The following UHRF2 variants were observed in gnomAD, a reference collection of about 807,000 sequenced individuals.
The protein encoded by UHRF2 is E3 ubiquitin-protein ligase UHRF2.
In UHRF2, 23 loss-of-function variants were observed where a neutral mutation model predicts 96.8. The observed-to-expected ratio is 0.24, with a 90% CI of 0.17 to 0.34. The LOEUF (loss-of-function observed/expected upper bound fraction) is 0.34. Ranked by LOEUF, UHRF2 falls within the 10% of genes least tolerant of loss-of-function variation. The probability of loss-of-function intolerance (pLI) is 1.00; values close to 1 mark genes in which losing one functional copy is unlikely to be tolerated. For missense variants in UHRF2, 685 were observed against 981.5 expected (o/e 0.70, Z 4.04); for synonymous variants, 385 against 332.6 (o/e 1.16, Z -1.72).
chr9:6,479,141 G>T (rs1823770311), intron 6 of UHRF2, among the ~76,000 whole-genome samples: 1 of 151,920 alleles, frequency 6.6e-6, no homozygotes, highest in Non-Finnish European at 1.5e-5. Context: ...CCCACTGGCT[G>T]CCTACCCCGT....
chr9:6,488,498 T>G (rs1587867826), intron 9 of UHRF2, among the ~76,000 whole-genome samples: 1 of 150,546 alleles, frequency 6.6e-6, no homozygotes, highest in African/African-American at 2.4e-5. Flanking sequence ...CCCCACTGCT[T>G]CTTAACCTCT....
intron 2 of UHRF2, among the ~76,000 whole-genome samples, chr9:6,426,289 T>C (rs1169104447): frequency 6.6e-6 from 1 of 152,226 alleles, no homozygotes; most frequent in Non-Finnish European, 1.5e-5. Context: ...TACTATGTGG[T>C]ATAGATGTTA....
intron 8 of UHRF2, among the ~76,000 whole-genome samples, chr9:6,483,488 A>G (rs1181359814): frequency 6.6e-6 from 1 of 152,148 alleles, no homozygotes; most frequent in East Asian, 1.9e-4. Flanking sequence ...TGTTTGCAGA[A>G]TCATGACAAG....
intron 4 of UHRF2, among the ~76,000 whole-genome samples, chr9:6,463,756 C>A (rs1822700998): frequency 6.6e-6 from 1 of 151,966 alleles, no homozygotes. Context: ...TAGGTATGAG[C>A]CACCGTGTCT....
intron 3 of UHRF2, among the ~76,000 whole-genome samples, chr9:6,438,400 G>C (rs1820975489): frequency 6.6e-6 from 1 of 152,230 alleles, no homozygotes; most frequent in Non-Finnish European, 1.5e-5. Context: ...CTAAGCCAGT[G>C]TCTCTCAAAG....
rs187494255 is a variant in UHRF2, at chr9:6,485,287, C to G, written c.1393-1534C>G. Among the ~76,000 whole-genome samples the G allele has an allele frequency of 2.0e-5, 3 of 152,120 alleles. No individual in the cohort carries two copies. The East Asian group carries it at 5.8e-4, about 29-fold the overall frequency. On this transcript the variant is annotated intron_variant, in intron 8 of 15. Transcript: ENST00000276893. ...CTACTATAAATATAGTAAAAATACA[C>G]TTTGTGTATTTCTAATTGCCTTATT...
At chr9:6,445,926 T>G (rs984230190) in intron 3 of UHRF2, among the ~76,000 whole-genome samples, 1 of 151,264 alleles carries the variant, frequency 6.6e-6, no homozygotes, top group African/African-American at 2.4e-5. Flanking sequence ...TGCTTTTCAT[T>G]TACTAATTAA....
chr9:6,439,858 A>G (rs1821061323), intron 3 of UHRF2, among the ~76,000 whole-genome samples: 1 of 151,930 alleles, frequency 6.6e-6, no homozygotes, highest in Non-Finnish European at 1.5e-5. Flanking sequence ...TCTTGTTTCT[A>G]GTGGTATTTT....
chr9:6,500,555 A>T lies in UHRF2; in HGVS notation c.2009A>T (p.Asp670Val), dbSNP rs768429329. Residue 670 changes from aspartate (D) to valine (V), a missense_variant, in exon 14 of 16, where the codon GAC (aspartate) becomes GTC (valine). Asp to Val is a radical substitution (Grantham distance 152). Coordinates refer to ENST00000276893, the MANE Select transcript of UHRF2 (RefSeq NM_152896.3). ...TACATTTTTAAAATAAATCTAGATG[A>T]CTGTCCAAGTGCCTCCAAAGTGTAC... Reference protein sequence around the residue: ...GTTKRPISDDDCPSASKVYKA... With the variant: ...GTTKRPISDDVCPSASKVYKA... 3 of 1,606,968 alleles carry T rather than the reference A, an allele frequency of 1.9e-6. No homozygotes were observed. Among genetic ancestry groups the T allele is most frequent in the Non-Finnish European group, 8.5e-7 (1 of 1,178,130 alleles).
At chr9:6,458,806 T>C (rs1368862881) in intron 3 of UHRF2, among the ~76,000 whole-genome samples, 2 of 152,154 alleles carry the variant, frequency 1.3e-5, no homozygotes, top group Non-Finnish European at 2.9e-5. Context: ...AGCAAAGACT[T>C]GGAACCAACC....
Position 6,493,940 on chromosome 9 carries a change from T to A in UHRF2, c.1604+8T>A. 1 of 1,607,762 alleles carries A rather than the reference T, an allele frequency of 6.2e-7. No homozygotes were observed. Among genetic ancestry groups the A allele is most frequent in the Non-Finnish European group, 8.5e-7 (1 of 1,175,142 alleles). On this transcript the variant is annotated splice_region_variant and intron_variant, in intron 10 of 15. Coordinates refer to ENST00000276893, the MANE Select transcript of UHRF2 (RefSeq NM_152896.3). ...ATTAACAAACATGAACAGGTACTAC[T>A]ATAGACACTGTTTAGAATTTGAACA...
chr9:6,485,625 C>G lies in UHRF2; in HGVS notation c.1393-1196C>G, dbSNP rs1393315889. Among the ~76,000 whole-genome samples, 8 of 123,554 alleles carry G rather than the reference C, an allele frequency of 6.5e-5. No individual in the cohort carries two copies. In the South Asian group the frequency reaches 2.4e-3, roughly 37 times the overall value. The allele number at this position is 123,554 out of a possible 152,430, so 81.1% of individuals were successfully genotyped here. On this transcript the variant is annotated intron_variant, in intron 8 of 15. Coordinates refer to ENST00000276893, the MANE Select transcript of UHRF2 (RefSeq NM_152896.3). ...GCCTTTCCACCCCCGCCCCCCGCCC[C>G]AAATTATTGTGCAAGCTTGAATTCA...
chr9:6,478,437 A>T (rs921941175), intron 6 of UHRF2, among the ~76,000 whole-genome samples: 1 of 152,232 alleles, frequency 6.6e-6, no homozygotes, highest in Non-Finnish European at 1.5e-5. Context: ...AAACACTAAC[A>T]AAGTGGTTTA....
At chr9:6,459,563 G>C (rs1471591988) in intron 3 of UHRF2, among the ~76,000 whole-genome samples, 2 of 152,184 alleles carry the variant, frequency 1.3e-5, no homozygotes, top group African/African-American at 4.8e-5. Context: ...CAGCTACTTA[G>C]GAGGCTGAGG....
chr9:6,502,009 T>C (rs1816317294), intron 14 of UHRF2, among the ~76,000 whole-genome samples: 1 of 152,226 alleles, frequency 6.6e-6, no homozygotes, highest in African/African-American at 2.4e-5. Flanking sequence ...TATTGTGACC[T>C]TGCTGCTAGT....
At chr9:6,439,982 T>C (rs1821070474) in intron 3 of UHRF2, among the ~76,000 whole-genome samples, 1 of 152,228 alleles carries the variant, frequency 6.6e-6, no homozygotes, top group Non-Finnish European at 1.5e-5. Context: ...TTTTCTTGTT[T>C]CATTTTAGTA....
chr9:6,457,439 A>G (rs1379545229), intron 3 of UHRF2, among the ~76,000 whole-genome samples: 1 of 152,216 alleles, frequency 6.6e-6, no homozygotes, highest in Non-Finnish European at 1.5e-5. Flanking sequence ...ATATACAATC[A>G]TGTCATCTAC....
At chr9:6,467,600 T>G (rs570433714) in intron 4 of UHRF2, among the ~76,000 whole-genome samples, 4 of 150,400 alleles carry the variant, frequency 2.7e-5, no homozygotes, top group African/African-American at 7.3e-5. Context: ...GAATAGTTTT[T>G]TTTTTTTTTT....
chr9:6,478,177 A>G (rs1182986473), intron 6 of UHRF2, among the ~76,000 whole-genome samples: 1 of 152,164 alleles, frequency 6.6e-6, no homozygotes, highest in Non-Finnish European at 1.5e-5. Context: ...ATTTCCCCAA[A>G]TACTCTACAC....
Sources: gnomAD v4.1 joint callset for allele counts (sites outside exome capture counted in the v4.1 genomes callset) on GRCh38, gnomAD v4.1.1 for gene constraint, MANE v1.5 for transcripts, NCBI Gene and HGNC (gene_info 2026-07-23, HGNC 2026-07-21) for gene names.